The following IL3RA variants were observed in gnomAD, a reference collection of about 807,000 sequenced individuals.
IL3RA encodes interleukin 3 receptor subunit alpha.
A neutral mutation model predicts 52.3 loss-of-function variants in IL3RA; 73 were observed. That is an observed-to-expected ratio of 1.40 (90% CI 1.16 to 1.70). IL3RA has a LOEUF of 1.70. Ranked by LOEUF, IL3RA falls within the 40% of genes most tolerant of loss-of-function variation. The pLI, the probability that IL3RA is intolerant of heterozygous loss-of-function variation, is 0.00. For missense variants in IL3RA, 664 were observed against 504.4 expected (o/e 1.32, Z -3.03); for synonymous variants, 260 against 194.0 (o/e 1.34, Z -2.83).
chrX:1,382,309 G>T, intron 11 of IL3RA, 82 bp from the exon 12 acceptor site: 1 of 1,190,082 alleles, frequency 8.4e-7, no homozygotes. Flanking sequence ...GATCTGAGAT[G>T]GGACAGGCCC....
At chrX:1,356,801 G>T (rs747299460) in intron 7 of IL3RA, among the ~76,000 whole-genome samples, 1 of 151,752 alleles carries the variant, frequency 6.6e-6, no homozygotes, top group African/African-American at 2.4e-5. Flanking sequence ...GAGACTGTAT[G>T]TGGTCTGTTG....
At chrX:1,359,509 CCT>C (rs1314995218) in intron 8 of IL3RA, among the ~76,000 whole-genome samples, 1 of 149,200 alleles carries the variant, frequency 6.7e-6, no homozygotes. Context: ...TCTCCCTCCC[CCT>C]CTCTGTATCT....
At chrX:1,361,822 G>T (rs868598967) in intron 8 of IL3RA, among the ~76,000 whole-genome samples, 1 of 150,654 alleles carries the variant, frequency 6.6e-6, no homozygotes, top group South Asian at 2.1e-4. Context: ...ATTAGATCTC[G>T]TGAGACTTAT....
intron 7 of IL3RA, among the ~76,000 whole-genome samples, chrX:1,357,868 C>G (rs1341529872): frequency 6.7e-6 from 1 of 149,064 alleles, no homozygotes; most frequent in Admixed American, 6.7e-5. Flanking sequence ...TTTGGGAGGC[C>G]GAGGCAGGAC....
chrX:1,352,679 C>G (rs2086161162), intron 6 of IL3RA, among the ~76,000 whole-genome samples, 173 bp downstream of exon 6: 1 of 152,160 alleles, frequency 6.6e-6, no homozygotes, highest in African/African-American at 2.4e-5. Flanking sequence ...CTCGGGAGGT[C>G]TCTTCCTGGC....
chrX:1,337,481 CAGT>C (rs1308796003), intron 1 of IL3RA, among the ~76,000 whole-genome samples: 1 of 152,198 alleles, frequency 6.6e-6, no homozygotes, highest in African/African-American at 2.4e-5. Flanking sequence ...GCTTTATTCA[CAGT>C]AGCCAAGAGG....
intron 3 of IL3RA, among the ~76,000 whole-genome samples, chrX:1,347,694 T>C (rs755559797): frequency 1.3e-5 from 2 of 151,824 alleles, no homozygotes; most frequent in South Asian, 4.2e-4. Context: ...AGTATTTCAC[T>C]AATATTTACT....
At chrX:1,345,671 T>C (rs1330465511) in intron 3 of IL3RA, among the ~76,000 whole-genome samples, 1 of 151,518 alleles carries the variant, frequency 6.6e-6, no homozygotes, top group East Asian at 2.0e-4. Flanking sequence ...TTTGTATTTT[T>C]AGTAGAGATG....
intron 8 of IL3RA, among the ~76,000 whole-genome samples, chrX:1,364,789 CTTT>C (rs1408834732): frequency 1.4e-5 from 2 of 143,348 alleles, no homozygotes; most frequent in Non-Finnish European, 3.0e-5. Context: ...CTCTTTTCTT[CTTT>C]TATTTATTTA....
intron 6 of IL3RA, among the ~76,000 whole-genome samples, chrX:1,354,303 C>G (rs1425308782): frequency 2.0e-5 from 3 of 152,088 alleles, no homozygotes; most frequent in Non-Finnish European, 2.9e-5. Context: ...CAGAAGGACA[C>G]ACACTTTCAG....
chrX:1,356,124 G>A, intron 6 of IL3RA, 97 bp from the exon 7 acceptor site: 1 of 774,670 alleles, frequency 1.3e-6, no homozygotes, highest in Non-Finnish European at 2.2e-6. Context: ...ATGCATAGGA[G>A]AAGTAATTTG....
At chrX:1,360,467 CCT>C (rs2087166404) in intron 8 of IL3RA, among the ~76,000 whole-genome samples, 1 of 151,450 alleles carries the variant, frequency 6.6e-6, no homozygotes, top group African/African-American at 2.4e-5. Context: ...TATATCTCCC[CCT>C]CTCCCAGTCT....
intron 3 of IL3RA, among the ~76,000 whole-genome samples, chrX:1,347,761 G>C (rs1401183742): frequency 6.6e-6 from 1 of 151,946 alleles, no homozygotes; most frequent in Non-Finnish European, 1.5e-5. Context: ...AATTGTGGCC[G>C]GGCGCGGTGG....
At chrX:1,354,019 A>T (rs2086406174) in intron 6 of IL3RA, among the ~76,000 whole-genome samples, 1 of 125,722 alleles carries the variant, frequency 8.0e-6, no homozygotes, top group South Asian at 2.7e-4. Flanking sequence ...GAGTCATGGA[A>T]TCCCTCATCA....
At chrX:1,365,859 A>C (rs866757641) in intron 9 of IL3RA, among the ~76,000 whole-genome samples, 3 of 18,136 alleles carry the variant, frequency 1.7e-4, no homozygotes, top group South Asian at 2.6e-3. Flanking sequence ...GAGCGGGGTG[A>C]GCGGGGTGCG....
At position 1,365,240 on chromosome X, in the gene IL3RA, C is replaced by G; in HGVS notation, c.862C>G (p.Pro288Ala). ...TGAATTCTTGAGCGCCTGGAGCACC[C>G]CCCAGCGCTTCGGTGAGTGGGCTGT... The part of the protein sequence containing the change: ...VYEFLSAWST[P>A]QRFECDQEEG... The change falls in exon 9 of 12, where the codon CCC becomes GCC. Residue 288 changes from proline (P) to alanine (A), a missense_variant. Coordinates refer to ENST00000331035, the MANE Select transcript of IL3RA (RefSeq NM_002183.4). 1 of 1,608,626 alleles carries G rather than the reference C, an allele frequency of 6.2e-7. No individual in the cohort carries two copies. Among genetic ancestry groups the G allele is most frequent in the South Asian group, 1.1e-5 (1 of 91,016 alleles).
At chrX:1,353,106 C>A (rs1317818407) in intron 6 of IL3RA, among the ~76,000 whole-genome samples, 1 of 150,142 alleles carries the variant, frequency 6.7e-6, no homozygotes, top group Non-Finnish European at 1.5e-5. Context: ...TGGGTTCCAT[C>A]ATGGGTCATG....
chrX:1,343,074 C>A (rs1289620426), intron 2 of IL3RA, among the ~76,000 whole-genome samples: 2 of 151,656 alleles, frequency 1.3e-5, no homozygotes, highest in Admixed American at 6.6e-5. Flanking sequence ...GACTCCGTCT[C>A]AAAATGAATG....
At chrX:1,342,945 G>T (rs777999074) in intron 2 of IL3RA, among the ~76,000 whole-genome samples, 2 of 151,650 alleles carry the variant, frequency 1.3e-5, no homozygotes, top group East Asian at 2.0e-4. Flanking sequence ...CGTGGTGGCG[G>T]GCGCCTGTAA....
Sources: gnomAD v4.1 joint callset for allele counts (sites outside exome capture counted in the v4.1 genomes callset) on GRCh38, gnomAD v4.1.1 for gene constraint, MANE v1.5 for transcripts, NCBI Gene and HGNC (gene_info 2026-07-23, HGNC 2026-07-21) for gene names.